MEI1: variants seen among roughly 807,000 people sequenced by gnomAD.
The protein encoded by MEI1 is meiosis inhibitor protein 1.
In MEI1, 103 loss-of-function variants were observed where a neutral mutation model predicts 146.2. That is an observed-to-expected ratio of 0.70 (90% CI 0.60 to 0.83). The LOEUF is 0.83. Among genes scored for constraint, MEI1 ranks in the 40% least tolerant of loss-of-function variants. The probability of loss-of-function intolerance (pLI) is 0.00; values close to 1 mark genes in which losing one functional copy is unlikely to be tolerated. For missense variants in MEI1, 1,529 were observed against 1,533.0 expected, an observed-to-expected ratio of 1.00 and a Z score of 0.04; for synonymous variants, 652 against 628.2, an observed-to-expected ratio of 1.04 and a Z score of -0.57.
intron 3 of MEI1, chr22:41,709,299 C>T: frequency 2.5e-6 from 2 of 814,194 alleles, no homozygotes; most frequent in Non-Finnish European, 4.3e-6. Flanking sequence ...TTATTCCCTT[C>T]CTTGCCAGCA....
intron 3 of MEI1, among the ~76,000 whole-genome samples, chr22:41,708,385 A>G (rs1411747366): frequency 6.7e-6 from 1 of 149,876 alleles, no homozygotes; most frequent in Non-Finnish European, 1.5e-5. Flanking sequence ...TCACACCTTC[A>G]TTCCTGAAAG....
chr22:41,763,266 A>T lies in MEI1; in HGVS notation c.2213A>T (p.Lys738Ile). The T allele has an allele frequency of 3.7e-6, 6 of 1,613,980 alleles. No individual in the cohort carries two copies. The highest frequency in any genetic ancestry group is 5.1e-6 in the Non-Finnish European group (6 of 1,179,876). The change falls in exon 19 of 31, where the codon AAA (lysine) becomes ATA (isoleucine). Residue 738 changes from lysine to isoleucine, a missense_variant. Lys to Ile is a moderately radical substitution (Grantham distance 102, BLOSUM62 -3). Coordinates refer to ENST00000401548, the MANE Select transcript of MEI1 (RefSeq NM_152513.4). ...GAGCGCCCCCCACTGGTGGTCTTCA[A>T]AGCCTCCATCTATCTGCTTGCAATC... ...QGERPPLVVF[K>I]ASIYLLAICQ...
chr22:41,784,342 C>T lies in MEI1; in HGVS notation c.3091C>T (p.His1031Tyr). The change falls in exon 25 of 31, where the codon CAC (histidine) becomes TAC (tyrosine). Residue 1031 changes from histidine (H) to tyrosine (Y), a missense_variant. This residue lies in a region of MEI1 where 313 missense variants were observed against 337.3 expected (regional missense o/e 0.93). Transcript: ENST00000401548. ...CCTTTACCCTGTGCCCTGCCAGGTTCACCAGACACTCTCTGTGGAAATGGA... is the reference window on the plus strand; with the variant it reads ...CCTTTACCCTGTGCCCTGCCAGGTTTACCAGACACTCTCTGTGGAAATGGA... ...AQQHKGSLQV[H>Y]QTLSVEMDQV... The T allele has an allele frequency of 6.2e-7, 1 of 1,613,718 alleles. No homozygotes were observed. The highest frequency in any genetic ancestry group is 8.5e-7 in the Non-Finnish European group (1 of 1,179,818).
intron 7 of MEI1, among the ~76,000 whole-genome samples, chr22:41,726,397 T>C (rs914386238): frequency 3.9e-5 from 6 of 152,172 alleles, no homozygotes; most frequent in African/African-American, 1.2e-4. Context: ...AGCAGTAACT[T>C]AAAAGCAGTT....
In MEI1 at chr22:41,763,451, G is replaced by A; in HGVS notation, c.2268+130G>A. The A allele has an allele frequency of 4.1e-6, 4 of 972,862 alleles. No homozygotes were observed. In the South Asian group the frequency reaches 4.9e-5, roughly 12 times the overall value. The allele number at this position is 972,862 out of a possible 1,614,324, so 60.3% of individuals were successfully genotyped here. ...GAGAGACAAAGCGGAGGTGTTAGGA[G>A]TGTGGAGAGGAGTAGGATGCAGACT... is the stretch of plus-strand genomic sequence containing the variant. On this transcript the variant is annotated intron_variant, in intron 19 of 30. Coordinates refer to ENST00000401548, the MANE Select transcript of MEI1 (RefSeq NM_152513.4).
At position 41,745,972 on chromosome 22, in the gene MEI1, C is replaced by G; in HGVS notation, c.1626C>G (p.Ala542=). ...CCAAGAAGGAAGACACCTTGGAGGCCTTCTCAGAATTTCTTCTCAGTGCCT... is the reference window on the plus strand; with the variant it reads ...CCAAGAAGGAAGACACCTTGGAGGCGTTCTCAGAATTTCTTCTCAGTGCCT... ...PSAKKEDTLE[A]FSEFLLSACD... The change falls in exon 14 of 31, where the codon GCC becomes GCG. Residue 542 remains alanine, a synonymous_variant. Transcript: ENST00000401548. 6.2e-7 allele frequency: 1 copy of G among 1,613,258 alleles called. No homozygotes were observed. Among genetic ancestry groups the G allele is most frequent in the South Asian group, 1.1e-5 (1 of 90,956 alleles).
chr22:41,754,214 A>C (rs1459255681), intron 17 of MEI1, among the ~76,000 whole-genome samples, 168 bp downstream of exon 17: 2 of 152,116 alleles, frequency 1.3e-5, no homozygotes, highest in Non-Finnish European at 2.9e-5. Flanking sequence ...TAGGGATATG[A>C]AGTAATAGAA....
chr22:41,785,355 C>T (rs1298747728), intron 26 of MEI1, among the ~76,000 whole-genome samples: 5 of 151,772 alleles, frequency 3.3e-5, no homozygotes, highest in East Asian at 1.9e-4. Flanking sequence ...CTCTGCCTCC[C>T]GGGTTCACGC....
At chr22:41,775,505 C>T (rs2075391262) in intron 20 of MEI1, among the ~76,000 whole-genome samples, 1 of 152,070 alleles carries the variant, frequency 6.6e-6, no homozygotes, top group Non-Finnish European at 1.5e-5. Context: ...CTGTCTGTGC[C>T]ACTGGCTTAT....
chr22:41,781,017 T>C (rs2075733335), intron 22 of MEI1, among the ~76,000 whole-genome samples: 1 of 152,200 alleles, frequency 6.6e-6, no homozygotes, highest in Admixed American at 6.5e-5. Context: ...GTGGTGACGA[T>C]GTTCACAGGA....
intron 6 of MEI1, among the ~76,000 whole-genome samples, chr22:41,719,313 A>T (rs1278370671): frequency 2.6e-5 from 4 of 151,956 alleles, no homozygotes; most frequent in Non-Finnish European, 5.9e-5. Flanking sequence ...CAGCCTCCTG[A>T]GTAGCTGGCA....
rs564761371 is a variant in MEI1, at chr22:41,741,798, A to G, written c.1332-1282A>G. On this transcript the variant is annotated intron_variant, in intron 11 of 30. Coordinates refer to ENST00000401548, the MANE Select transcript of MEI1 (RefSeq NM_152513.4). ...GTCTCTACTAAAAATACAAAAATTA[A>G]CTGGGTGTGGTGGCGTGCGCCTGTA... Among the ~76,000 whole-genome samples the G allele has an allele frequency of 2.0e-5, 3 of 151,748 alleles. No individual in the cohort carries two copies. The South Asian group carries it at 6.3e-4, about 32-fold the overall frequency.
chr22:41,723,985 T>A lies in MEI1; in HGVS notation c.776T>A (p.Met259Lys). 1 of 1,612,088 alleles carries A rather than the reference T, an allele frequency of 6.2e-7. No homozygotes were observed. The highest frequency in any genetic ancestry group is 8.5e-7 in the Non-Finnish European group (1 of 1,179,070). Residue 259 changes from methionine to lysine, a missense_variant, in exon 7 of 31, where the codon ATG becomes AAG. Physicochemically the swap from Met to Lys is moderately conservative, Grantham distance 95. Transcript: ENST00000401548. ...QLLKYDLFVS[M>K]IMNQDGLGES... ...TTGAAGTATGATCTCTTTGTGTCCA[T>A]GATCATGAACCAGGATGGACTGGGA...
chr22:41,776,934 C>G (rs747936970), intron 21 of MEI1, among the ~76,000 whole-genome samples: 80 of 151,980 alleles, frequency 5.3e-4, no homozygotes, highest in Non-Finnish European at 4.1e-4. Context: ...GTGCCTCAGC[C>G]TCCCAAGTAG....
chr22:41,718,979 CTT>C (rs146120400), intron 6 of MEI1, among the ~76,000 whole-genome samples: 1,392 of 111,196 alleles, frequency 0.013, 13 homozygotes, highest in African/African-American at 0.054. Flanking sequence ...TCAAGTGATT[CTT>C]TTTTTTTTTT....
chr22:41,723,181 C>A (rs947735711), intron 6 of MEI1, among the ~76,000 whole-genome samples: 8 of 151,204 alleles, frequency 5.3e-5, no homozygotes, highest in African/African-American at 1.9e-4. Flanking sequence ...TCATTTACAT[C>A]ATTTATCACA....
intron 22 of MEI1, among the ~76,000 whole-genome samples, chr22:41,779,456 A>AAAC: frequency 6.6e-6 from 1 of 152,242 alleles, no homozygotes; most frequent in South Asian, 2.1e-4. Flanking sequence ...CTCGTCCCTA[A>AAAC]AACAAACAAA....
In MEI1 at chr22:41,752,667, G is replaced by A. The variant is rs2073843866; in HGVS notation, c.1853+16G>A. On this transcript the variant is annotated intron_variant, in intron 16 of 30. Coordinates refer to ENST00000401548, the MANE Select transcript of MEI1 (RefSeq NM_152513.4). Reference sequence around the variant, plus strand: ...GTGGTCTGAGGTATGTGTGGTCCCAGGCAAGATTGAGTGGCCAAGGGGCCA... The same window carrying A: ...GTGGTCTGAGGTATGTGTGGTCCCAAGCAAGATTGAGTGGCCAAGGGGCCA... 1.3e-6 allele frequency: 2 copies of A among 1,585,152 alleles called. No individual in the cohort carries two copies. Among genetic ancestry groups the A allele is most frequent in the Non-Finnish European group, 1.7e-6 (2 of 1,165,388 alleles).
At chr22:41,747,217 C>T (rs560357570) in intron 14 of MEI1, 1 of 151,214 alleles carries the variant, frequency 6.6e-6, no homozygotes, top group African/African-American at 2.4e-5. Context: ...ATGTACAGAG[C>T]CTGAACTAGA....
Sources: allele counts gnomAD v4.1 joint callset (sites outside exome capture counted in the v4.1 genomes callset), GRCh38; gene constraint gnomAD v4.1.1; regional missense constraint gnomAD v4.1.1; transcripts MANE v1.5; gene names NCBI Gene and HGNC (gene_info 2026-07-23, HGNC 2026-07-21).